Variants in GPR158 observed in about 807,000 individuals in gnomAD.
The protein encoded by GPR158 is G protein-coupled receptor 158.
A neutral mutation model predicts 78.2 loss-of-function variants in GPR158; 30 were observed. The ratio of observed to expected loss-of-function variants is 0.38; its 90% confidence interval spans 0.29 to 0.52. The LOEUF is 0.52. Ranked by LOEUF, GPR158 falls within the 20% of genes least tolerant of loss-of-function variation. The pLI, the probability that GPR158 is intolerant of heterozygous loss-of-function variation, is 0.83. For missense variants in GPR158, 1,463 were observed against 1,523.5 expected (o/e 0.96, Z 0.66); for synonymous variants, 581 against 591.1 (o/e 0.98, Z 0.25).
chr10:25,372,710 G>T (rs1834015768), intron 2 of GPR158, among the ~76,000 whole-genome samples: 1 of 111,364 alleles, frequency 9.0e-6, no homozygotes, highest in Admixed American at 1.0e-4. Context: ...GACTGTTGTG[G>T]GGTGGGGGGA....
intron 5 of GPR158, among the ~76,000 whole-genome samples, chr10:25,478,859 T>C (rs1250726766): frequency 2.1e-5 from 3 of 142,722 alleles, no homozygotes; most frequent in South Asian, 2.4e-4. Context: ...AGTGTTCTCA[T>C]TGTCCAGTTC....
At chr10:25,184,603 G>T (rs986149134) in intron 1 of GPR158, among the ~76,000 whole-genome samples, 2 of 152,166 alleles carry the variant, frequency 1.3e-5, no homozygotes, top group Non-Finnish European at 1.5e-5. Context: ...TTTCCGAATA[G>T]GTAAAGTCAG....
At chr10:25,379,147 T>C (rs1194848925) in intron 2 of GPR158, among the ~76,000 whole-genome samples, 1 of 152,178 alleles carries the variant, frequency 6.6e-6, no homozygotes, top group Non-Finnish European at 1.5e-5. Context: ...CCATGAGACA[T>C]TATTATTACT....
At chr10:25,219,784 A>G (rs958015917) in intron 1 of GPR158, among the ~76,000 whole-genome samples, 2 of 152,248 alleles carry the variant, frequency 1.3e-5, no homozygotes, top group African/African-American at 2.4e-5. Flanking sequence ...TAAAAGGAGA[A>G]AAGAGATGAG....
At chr10:25,249,283 C>T (rs1853753726) in intron 2 of GPR158, among the ~76,000 whole-genome samples, 2 of 152,154 alleles carry the variant, frequency 1.3e-5, no homozygotes, top group Admixed American at 6.6e-5. Context: ...TTCCCCTTTT[C>T]CTAATTGAAT....
chr10:25,352,473 G>A (rs1466140876), intron 2 of GPR158, among the ~76,000 whole-genome samples: 2 of 151,936 alleles, frequency 1.3e-5, no homozygotes, highest in Non-Finnish European at 2.9e-5. Flanking sequence ...TCCACATAAG[G>A]TTTTCACATG....
At chr10:25,471,443 T>A (rs702978) in intron 5 of GPR158, among the ~76,000 whole-genome samples, 107,955 of 152,112 alleles carry the variant, frequency 0.71, 39,018 homozygotes, top group East Asian at 0.99. Context: ...TCTTTATAGC[T>A]GCATGATTTA....
chr10:25,293,784 T>A (rs1174007881), intron 2 of GPR158, among the ~76,000 whole-genome samples: 1 of 151,680 alleles, frequency 6.6e-6, no homozygotes, highest in Non-Finnish European at 1.5e-5. Flanking sequence ...TTCACACTGT[T>A]GCCTGAGCTG....
At chr10:25,398,136 A>G (rs1834391530) in intron 3 of GPR158, among the ~76,000 whole-genome samples, 1 of 152,222 alleles carries the variant, frequency 6.6e-6, no homozygotes, top group South Asian at 2.1e-4. Context: ...AATGCAGCCT[A>G]GCCAAAACCT....
chr10:25,301,121 C>T (rs1249796374), intron 2 of GPR158, among the ~76,000 whole-genome samples: 1 of 152,060 alleles, frequency 6.6e-6, no homozygotes, highest in African/African-American at 2.4e-5. Flanking sequence ...ATTCTTAATC[C>T]CTTCAAAATA....
chr10:25,455,626 A>G (rs1835280505), intron 4 of GPR158, among the ~76,000 whole-genome samples: 1 of 152,188 alleles, frequency 6.6e-6, no homozygotes, highest in Admixed American at 6.5e-5. Context: ...TGAATTCTGT[A>G]CGGGTTAGTA....
intron 2 of GPR158, among the ~76,000 whole-genome samples, chr10:25,313,404 A>C (rs987066653): frequency 6.6e-6 from 1 of 152,086 alleles, no homozygotes; most frequent in Non-Finnish European, 1.5e-5. Context: ...ATAATAATAA[A>C]ATTGTTTAAA....
At chr10:25,452,875 T>A (rs1835240231) in intron 4 of GPR158, among the ~76,000 whole-genome samples, 1 of 152,116 alleles carries the variant, frequency 6.6e-6, no homozygotes, top group Non-Finnish European at 1.5e-5. Context: ...TTGATCAGTA[T>A]CTCCCCACTT....
chr10:25,198,377 G>T (rs1852871580), intron 1 of GPR158, among the ~76,000 whole-genome samples: 1 of 152,250 alleles, frequency 6.6e-6, no homozygotes, highest in East Asian at 1.9e-4. Flanking sequence ...GCTGCAAAGT[G>T]GTGTGGGGGA....
intron 2 of GPR158, among the ~76,000 whole-genome samples, chr10:25,370,809 C>A (rs1833977853): frequency 6.6e-6 from 1 of 151,194 alleles, no homozygotes; most frequent in Non-Finnish European, 1.5e-5. Context: ...GTCTAAGTCT[C>A]TTTGTAGGTC....
Position 25,217,201 on chromosome 10 carries a change from T to C in GPR158, c.903-3851T>C, listed in dbSNP as rs75147879. On this transcript the variant is annotated intron_variant, in intron 1 of 10. Transcript: ENST00000376351. ...ATGCAATGGTCTCTTTCTGGTATAA[T>C]GTGCCTCCATTACACTTTTCCTAGG... is the stretch of plus-strand genomic sequence containing the variant. Among the ~76,000 whole-genome samples, 1,445 of 152,322 alleles carry C rather than the reference T, an allele frequency of 9.5e-3. 16 individuals carry two copies. Among genetic ancestry groups the C allele is most frequent in the South Asian group, 0.039 (189 of 4,826 alleles).
chr10:25,248,060 T>C (rs1247319410), intron 2 of GPR158, among the ~76,000 whole-genome samples: 4 of 152,122 alleles, frequency 2.6e-5, no homozygotes, highest in African/African-American at 9.7e-5. Context: ...ATTTATCTGA[T>C]GGCCAGTGAT....
intron 2 of GPR158, among the ~76,000 whole-genome samples, chr10:25,302,248 T>C (rs1424960639): frequency 6.6e-6 from 1 of 150,802 alleles, no homozygotes; most frequent in Non-Finnish European, 1.5e-5. Flanking sequence ...ATTTTTTTTT[T>C]TTTTTTTTTG....
intron 9 of GPR158, 83 bp from the exon 10 acceptor site, chr10:25,596,554 TATATAG>T (rs1380786278): frequency 5.9e-6 from 5 of 844,832 alleles, no homozygotes; most frequent in African/African-American, 1.7e-5. Context: ...TATAGATACC[TATATAG>T]ATATAGGTAT....
Sources: allele counts gnomAD v4.1 joint callset (sites outside exome capture counted in the v4.1 genomes callset), GRCh38; gene constraint gnomAD v4.1.1; transcripts MANE v1.5; gene names NCBI Gene and HGNC (gene_info 2026-07-23, HGNC 2026-07-21).